Variants in KIAA0586 observed in about 807,000 individuals in gnomAD.
KIAA0586 encodes KIAA0586, also known as protein TALPID3.
KIAA0586 carries 144 observed loss-of-function variants against 169.8 expected under a neutral mutation model. The observed-to-expected ratio is 0.85, with a 90% CI of 0.74 to 0.97. KIAA0586 has a LOEUF of 0.97. KIAA0586 is among the 50% of genes least tolerant of loss of function. The pLI, the probability that KIAA0586 is intolerant of heterozygous loss-of-function variation, is 0.00. For synonymous variants in KIAA0586, 625 were observed against 612.4 expected (o/e 1.02, Z -0.30); for missense variants, 1,854 against 1,823.0 (o/e 1.02, Z -0.31).
chr14:58,553,494 C>T (rs937864809), downstream of KIAA0586, among the ~76,000 whole-genome samples: 48 of 150,358 alleles, frequency 3.2e-4, no homozygotes, highest in African/African-American at 1.1e-3. Context: ...CAATTTTACA[C>T]GGGAGTCAGT....
chr14:58,480,480 G>A (rs183742460), intron 20 of KIAA0586, among the ~76,000 whole-genome samples: 16 of 151,574 alleles, frequency 1.1e-4, no homozygotes, highest in Admixed American at 8.5e-4. Context: ...CCTGACATTA[G>A]TTATCCTGTG....
the KIAA0586 span, among the ~76,000 whole-genome samples, chr14:58,559,038 T>A: frequency 6.6e-6 from 1 of 152,210 alleles, no homozygotes; most frequent in Non-Finnish European, 1.5e-5. Context: ...AAGGTTTCAG[T>A]GGAATATTCA....
intron 8 of KIAA0586, 150 bp from the exon 9 acceptor site, chr14:58,453,200 T>C (rs1273846674): frequency 5.0e-6 from 2 of 402,478 alleles, no homozygotes; most frequent in African/African-American, 2.2e-5. Context: ...ATTACAGGCA[T>C]GAGCCACTGC....
chr14:58,477,291 A>T, intron 20 of KIAA0586, 50 bp downstream of exon 20: 1 of 955,156 alleles, frequency 1.0e-6, no homozygotes, highest in Non-Finnish European at 1.6e-6. Context: ...CAAAAGCTTT[A>T]GTTCATCGTG....
intron 6 of KIAA0586, among the ~76,000 whole-genome samples, chr14:58,446,855 A>C (rs1273982357): frequency 6.6e-6 from 1 of 152,144 alleles, no homozygotes. Flanking sequence ...ATAAACTATT[A>C]GTTTATAGAT....
chr14:58,536,524 T>G (rs2046301830), intron 29 of KIAA0586, among the ~76,000 whole-genome samples: 1 of 152,178 alleles, frequency 6.6e-6, no homozygotes, highest in South Asian at 2.1e-4. Context: ...AAATACCAAT[T>G]TTTGAAAAGG....
At chr14:58,441,153 CAA>C (rs2038322921) in intron 4 of KIAA0586, 2 of 225,238 alleles carry the variant, frequency 8.9e-6, no homozygotes, top group Admixed American at 9.3e-5. Flanking sequence ...AAAATAGTCA[CAA>C]AGTGTACATC....
chr14:58,448,576 G>T (rs2140665384), intron 7 of KIAA0586, 83 bp downstream of exon 7: 2 of 893,516 alleles, frequency 2.2e-6, no homozygotes, highest in Admixed American at 6.7e-5. Flanking sequence ...CATATTTCCT[G>T]AGCAGTAGGA....
rs199732899 is a variant in KIAA0586, at chr14:58,540,065, A to C, written c.4430-6A>C. 1.1e-3 allele frequency: 1,652 copies of C among 1,517,328 alleles called. 1 individual carries two copies. The highest frequency in any genetic ancestry group is 1.3e-3 in the Non-Finnish European group (1,474 of 1,115,388). The allele number at this position is 1,517,328 out of a possible 1,614,324, so 94.0% of individuals were successfully genotyped here. Reference sequence around the variant, plus strand: ...TTTTCTTCTGAAAAAATAAATTTTTATGTAGTTTCACCAGGTGATATGGAT... The same window carrying C: ...TTTTCTTCTGAAAAAATAAATTTTTCTGTAGTTTCACCAGGTGATATGGAT... On this transcript the variant is annotated splice_polypyrimidine_tract_variant and splice_region_variant and intron_variant, in intron 29 of 30. Transcript: ENST00000652326.
At chr14:58,487,341 G>A (rs1566882034) in intron 22 of KIAA0586, among the ~76,000 whole-genome samples, 175 bp downstream of exon 22, 1 of 152,204 alleles carries the variant, frequency 6.6e-6, no homozygotes, top group Non-Finnish European at 1.5e-5. Context: ...AGGCATGGTG[G>A]CTCACGCCTG....
upstream of KIAA0586, chr14:58,427,603 C>T (rs774221962): frequency 6.5e-7 from 1 of 1,535,570 alleles, no homozygotes; most frequent in South Asian, 1.2e-5. Context: ...GGAAGAGCAC[C>T]AGAGAGCGCT....
intron 14 of KIAA0586, among the ~76,000 whole-genome samples, chr14:58,461,442 A>T (rs370372837): frequency 1.1e-4 from 17 of 151,712 alleles, no homozygotes; most frequent in African/African-American, 3.6e-4. Flanking sequence ...TTTTTTTTTT[A>T]ATTTTTTTTT....
chr14:58,466,713 C>A (rs1436874792), intron 15 of KIAA0586, among the ~76,000 whole-genome samples: 3 of 152,168 alleles, frequency 2.0e-5, no homozygotes. Context: ...CTGGACAACA[C>A]AGCAAGACCC....
In KIAA0586 at chr14:58,469,921, C is replaced by T. The variant is rs775873153; in HGVS notation, c.2443-692C>T. On this transcript the variant is annotated intron_variant, in intron 16 of 30. Coordinates refer to ENST00000652326, the MANE Select transcript of KIAA0586 (RefSeq NM_001329943.3). ...TGGTGAGGGTTGGGTAAAACTTAGA[C>T]TTAATTATGTTTTTGATGATGTAAA... is the stretch of plus-strand genomic sequence containing the variant. 7.6e-4 allele frequency among the ~76,000 whole-genome samples: 115 copies of T among 152,094 alleles called. 1 individual carries two copies. The highest frequency in any genetic ancestry group is 1.3e-3 in the Non-Finnish European group (87 of 67,996).
intron 29 of KIAA0586, among the ~76,000 whole-genome samples, chr14:58,532,775 T>C (rs754271916): frequency 6.6e-6 from 1 of 152,194 alleles, no homozygotes; most frequent in Non-Finnish European, 1.5e-5. Flanking sequence ...GAGGTCAAAA[T>C]TACTCTTGGG....
intron 29 of KIAA0586, among the ~76,000 whole-genome samples, chr14:58,531,701 A>AT (rs2045978914): frequency 6.6e-6 from 1 of 152,240 alleles, no homozygotes; most frequent in Non-Finnish European, 1.5e-5. Context: ...CCAAAGGATT[A>AT]TAAATCATTC....
In KIAA0586 at chr14:58,547,835, T is replaced by G; in HGVS notation, c.4550T>G (p.Val1517Gly). The G allele has an allele frequency of 6.2e-7, 1 of 1,613,784 alleles. No homozygotes were observed. Among genetic ancestry groups the G allele is most frequent in the African/African-American group, 1.3e-5 (1 of 75,028 alleles). Residue 1517 changes from valine to glycine, a missense_variant, in exon 31 of 31, where the codon GTG (valine) becomes GGG (glycine). Physicochemically the swap from Val to Gly is moderately radical, Grantham distance 109 (BLOSUM62 -3). Transcript: ENST00000652326. ...CAGATGCCCCCTGCCAAGATGTCAG[T>G]GATGCTGCCGTCAGTGAACCTCGAG... is the stretch of plus-strand genomic sequence containing the variant. ...ASQMPPAKMS[V>G]MLPSVNLEDC...
intron 20 of KIAA0586, among the ~76,000 whole-genome samples, chr14:58,480,820 G>A (rs751741376): frequency 1.3e-5 from 2 of 151,974 alleles, no homozygotes; most frequent in Admixed American, 6.6e-5. Flanking sequence ...GTTTTCTCTC[G>A]TCATCTCATC....
intron 29 of KIAA0586, among the ~76,000 whole-genome samples, chr14:58,520,414 A>C (rs1463665054): frequency 6.6e-6 from 1 of 152,056 alleles, no homozygotes; most frequent in Non-Finnish European, 1.5e-5. Context: ...GGATTTCCCT[A>C]TTCTGGACAT....
Sources: allele counts gnomAD v4.1 joint callset (sites outside exome capture counted in the v4.1 genomes callset), GRCh38; gene constraint gnomAD v4.1.1; transcripts MANE v1.5; gene names NCBI Gene and HGNC (gene_info 2026-07-23, HGNC 2026-07-21).